Variants in ALDH2 observed in about 807,000 individuals in gnomAD.
ALDH2 encodes aldehyde dehydrogenase 2 family member.
ALDH2 carries 44 observed loss-of-function variants against 59.6 expected under a neutral mutation model. The ratio of observed to expected loss-of-function variants is 0.74; its 90% CI spans 0.58 to 0.95. The LOEUF (loss-of-function observed/expected upper bound fraction) is 0.95. Among genes scored for constraint, ALDH2 ranks in the 40% least tolerant of loss-of-function variants. The pLI is 0.00. For missense variants in ALDH2, 570 were observed against 696.3 expected, an observed-to-expected ratio of 0.82 and a Z score of 2.04; for synonymous variants, 291 against 284.0, an observed-to-expected ratio of 1.02 and a Z score of -0.25.
At chr12:111,779,283 T>C (rs536634765) in intron 1 of ALDH2, among the ~76,000 whole-genome samples, 216 of 152,202 alleles carry the variant, frequency 1.4e-3, no homozygotes, top group Non-Finnish European at 2.2e-3. Flanking sequence ...CCTCCCAGAC[T>C]CAAGCAAGTG....
In ALDH2 at chr12:111,783,199, C is replaced by G. The variant is rs750341773; in HGVS notation, c.261C>G (p.Phe87Leu). The G allele has an allele frequency of 3.1e-6, 5 of 1,613,364 alleles. No individual in the cohort carries two copies. The highest frequency in any genetic ancestry group is 4.2e-6 in the Non-Finnish European group (5 of 1,179,544). Residue 87 changes from phenylalanine to leucine, a missense_variant, in exon 3 of 13, where the codon TTC becomes TTG. Phe to Leu is a conservative substitution (Grantham distance 22). Transcript: ENST00000261733. ...CAGTGAAGGCCGCCCGGGCCGCCTT[C>G]CAGCTGGGCTCACCTTGGCGCCGCA... ...DKAVKAARAA[F>L]QLGSPWRRMD...
chr12:111,788,025 C>T (rs1351964764), intron 4 of ALDH2, among the ~76,000 whole-genome samples: 1 of 145,732 alleles, frequency 6.9e-6, no homozygotes, highest in Non-Finnish European at 1.5e-5. Flanking sequence ...GGCAACAGAG[C>T]GAGACTCTGT....
chr12:111,803,794 G>T, intron 11 of ALDH2, 65 bp from the exon 12 acceptor site: 1 of 1,158,196 alleles, frequency 8.6e-7, no homozygotes, highest in South Asian at 2.0e-5. Context: ...GGCAATACAG[G>T]GGGTCCTGGG....
At chr12:111,801,772 T>C (rs2068453355) in intron 11 of ALDH2, among the ~76,000 whole-genome samples, 1 of 151,402 alleles carries the variant, frequency 6.6e-6, no homozygotes, top group Non-Finnish European at 1.5e-5. Flanking sequence ...ATATCTAGAA[T>C]AGGCGAATCC....
At position 111,813,025 on chromosome 12, in the gene ALDH2, T is replaced by C. The variant is rs960281133; in HGVS notation, c.*3450T>C. Reference sequence around the variant, plus strand: ...TAACCAACAGATAAGAAAGGAAATATTAGCTATGAAGAAATGTCTATCAAG... The same window carrying C: ...TAACCAACAGATAAGAAAGGAAATACTAGCTATGAAGAAATGTCTATCAAG... On this transcript the variant is annotated 3_prime_UTR_variant, in exon 13 of 13. Transcript: ENST00000261733. 2 of 152,220 alleles carry C rather than the reference T, an allele frequency of 1.3e-5. No homozygotes were observed. The highest frequency in any genetic ancestry group is 4.8e-5 in the African/African-American group (2 of 41,444). 9.4% of individuals were successfully genotyped at this position (152,220 alleles called of 1,614,324 possible).
chr12:111,799,454 A>G (rs1292182260), intron 10 of ALDH2, among the ~76,000 whole-genome samples: 2 of 151,374 alleles, frequency 1.3e-5, no homozygotes, highest in African/African-American at 2.4e-5. Context: ...GGTGTGAGCC[A>G]TCGTGCCTGG....
chr12:111,795,706 C>G (rs2068397825), intron 9 of ALDH2, among the ~76,000 whole-genome samples: 1 of 151,454 alleles, frequency 6.6e-6, no homozygotes, highest in African/African-American at 2.4e-5. Flanking sequence ...ATTCTCCTGC[C>G]TCAGTCTCCC....
chr12:111,807,461 G>A (rs2068505996), intron 12 of ALDH2, among the ~76,000 whole-genome samples: 1 of 152,166 alleles, frequency 6.6e-6, no homozygotes, highest in Non-Finnish European at 1.5e-5. Context: ...TGGACAGCCT[G>A]TGCTGGGCTT....
chr12:111,808,187 A>G (rs1052444028), intron 12 of ALDH2, among the ~76,000 whole-genome samples: 2 of 151,898 alleles, frequency 1.3e-5, no homozygotes, highest in Admixed American at 6.6e-5. Context: ...CTCAATTTGT[A>G]TTTTTAAAAG....
At position 111,783,312 on chromosome 12, in the gene ALDH2, C is replaced by T; in HGVS notation, c.360+14C>T. ...ACCTACCTGGCGGTGAGTCCTCAGC[C>T]CTTCTCCCCCTCAGATCCCATGTGG... On this transcript the variant is annotated intron_variant, in intron 3 of 12. Transcript: ENST00000261733. 1 of 1,590,258 alleles carries T rather than the reference C, an allele frequency of 6.3e-7. No homozygotes were observed. Among genetic ancestry groups the T allele is most frequent in the Non-Finnish European group, 8.6e-7 (1 of 1,164,194 alleles).
intron 1 of ALDH2, among the ~76,000 whole-genome samples, chr12:111,773,118 C>A (rs1440200824): frequency 1.3e-5 from 2 of 151,854 alleles, no homozygotes. Flanking sequence ...GGTGTGGTGG[C>A]ATGTACCTGT....
At position 111,767,028 on chromosome 12, in the gene ALDH2, C is replaced by T. The variant is rs755268259; in HGVS notation, c.46C>T (p.Leu16Phe). 40 of 1,526,172 alleles carry T rather than the reference C, an allele frequency of 2.6e-5. No homozygotes were observed. The highest frequency in any genetic ancestry group is 3.4e-5 in the Non-Finnish European group (39 of 1,142,722). The allele number at this position is 1,526,172 out of a possible 1,614,324, so 94.5% of individuals were successfully genotyped here. A position where few individuals can be genotyped will look rare whatever the true frequency, so the allele number is the denominator to read the frequency against. ...CTTCGGGCCCCGCCTGGGCCGCCGC[C>T]TCTTGTCAGCCGCCGCCACCCAGGC... ...ARFGPRLGRR[L>F]LSAAATQAVP... The change falls in exon 1 of 13, where the codon CTC (leucine) becomes TTC (phenylalanine). Residue 16 changes from leucine (L) to phenylalanine (F), a missense_variant. Coordinates refer to ENST00000261733, the MANE Select transcript of ALDH2 (RefSeq NM_000690.4).
chr12:111,776,182 G>C (rs1234823831), intron 1 of ALDH2, among the ~76,000 whole-genome samples: 1 of 152,166 alleles, frequency 6.6e-6, no homozygotes, highest in Non-Finnish European at 1.5e-5. Flanking sequence ...CCTACTTCCT[G>C]ATCTTTGCAA....
chr12:111,813,514 C>T lies in ALDH2; in HGVS notation c.*3939C>T, dbSNP rs771326653. ...CTCCCAACAAAAACTTGTACACGGA[C>T]GTTCACAGCAGCACTATTCACGACA... On this transcript the variant is annotated 3_prime_UTR_variant, in exon 13 of 13. Coordinates refer to ENST00000261733, the MANE Select transcript of ALDH2 (RefSeq NM_000690.4). 6.6e-6 allele frequency: 1 copy of T among 152,200 alleles called. No homozygotes were observed. The highest frequency in any genetic ancestry group is 1.5e-5 in the Non-Finnish European group (1 of 68,046). The allele number at this position is 152,200 out of a possible 1,614,324, so 9.4% of individuals were successfully genotyped here. A position where few individuals can be genotyped will look rare whatever the true frequency, so the allele number is the denominator to read the frequency against.
chr12:111,802,690 C>T (rs1480053286), intron 11 of ALDH2, among the ~76,000 whole-genome samples: 1 of 150,482 alleles, frequency 6.6e-6, no homozygotes, highest in Non-Finnish European at 1.5e-5. Flanking sequence ...ACCATCCTGG[C>T]TAACACAGTG....
rs2068521969 is a variant in ALDH2, at chr12:111,809,695, T to G, written c.*120T>G. 1 of 1,148,314 alleles carries G rather than the reference T, an allele frequency of 8.7e-7. No individual in the cohort carries two copies. The highest frequency in any genetic ancestry group is 1.4e-5 in the South Asian group (1 of 74,042). 71.1% of individuals were successfully genotyped at this position (1,148,314 alleles called of 1,614,324 possible). Reference sequence around the variant, plus strand: ...GAAAAGAGAAATTTTTCCTACAAAATCTCTTGGGTCAAGAAAGTTCTAGAA... The same window carrying G: ...GAAAAGAGAAATTTTTCCTACAAAAGCTCTTGGGTCAAGAAAGTTCTAGAA... On this transcript the variant is annotated 3_prime_UTR_variant, in exon 13 of 13. Transcript: ENST00000261733.
intron 1 of ALDH2, among the ~76,000 whole-genome samples, chr12:111,769,825 C>G (rs2068186418): frequency 6.6e-6 from 1 of 152,082 alleles, no homozygotes; most frequent in African/African-American, 2.4e-5. Context: ...GCAGTGGACT[C>G]TGCACCTCAG....
At chr12:111,773,033 C>T (rs897202106) in intron 1 of ALDH2, among the ~76,000 whole-genome samples, 1 of 148,054 alleles carries the variant, frequency 6.8e-6, no homozygotes, top group South Asian at 2.2e-4. Context: ...CCGAGGCAGG[C>T]GGATCACCTC....
At chr12:111,790,219 G>C (rs760265769) in intron 5 of ALDH2, among the ~76,000 whole-genome samples, 1 of 152,150 alleles carries the variant, frequency 6.6e-6, no homozygotes, top group Non-Finnish European at 1.5e-5. Flanking sequence ...ATGGTGTCAC[G>C]GACATAAAAG....
Sources: allele counts gnomAD v4.1 joint callset (sites outside exome capture counted in the v4.1 genomes callset), GRCh38; gene constraint gnomAD v4.1.1; transcripts MANE v1.5; gene names NCBI Gene and HGNC (gene_info 2026-07-23, HGNC 2026-07-21).